UTRN: variants seen among roughly 807,000 people sequenced by gnomAD.
UTRN encodes the protein utrophin.
A neutral mutation model predicts 463.9 loss-of-function variants in UTRN; 283 were observed. The ratio of observed to expected loss-of-function variants is 0.61; its 90% CI spans 0.55 to 0.67. The LOEUF (loss-of-function observed/expected upper bound fraction) is 0.67, where lower values mean the gene tolerates loss of function less well. UTRN is among the 30% of genes least tolerant of loss of function. The pLI is 0.00. For synonymous variants in UTRN, 1,442 were observed against 1,431.5 expected, an observed-to-expected ratio of 1.01 and a Z score of -0.17; for missense variants, 3,922 against 4,084.3, an observed-to-expected ratio of 0.96 and a Z score of 1.08.
chr6:144,466,003 T>C (rs1789921763), intron 23 of UTRN, among the ~76,000 whole-genome samples: 1 of 152,182 alleles, frequency 6.6e-6, no homozygotes, highest in Non-Finnish European at 1.5e-5. Context: ...ACATTTAGAG[T>C]TCCTTTTCTT....
At chr6:144,465,440 T>A (rs1789852893) in intron 23 of UTRN, among the ~76,000 whole-genome samples, 1 of 152,192 alleles carries the variant, frequency 6.6e-6, no homozygotes, top group Non-Finnish European at 1.5e-5. Context: ...ATTAAAAATA[T>A]CCAACATCAA....
intron 51 of UTRN, among the ~76,000 whole-genome samples, chr6:144,654,199 A>G (rs973250067): frequency 2.6e-5 from 4 of 152,204 alleles, no homozygotes; most frequent in African/African-American, 9.6e-5. Context: ...TTAGAGTGTG[A>G]TTTTGCAGAG....
intron 60 of UTRN, among the ~76,000 whole-genome samples, chr6:144,779,363 T>A (rs1166079313): frequency 1.3e-5 from 2 of 152,214 alleles, no homozygotes; most frequent in Admixed American, 6.5e-5. Flanking sequence ...CTGTGTACAG[T>A]TGACCCTTGA....
At chr6:144,296,759 C>A (rs1804749272) in intron 2 of UTRN, among the ~76,000 whole-genome samples, 1 of 152,238 alleles carries the variant, frequency 6.6e-6, no homozygotes, top group Non-Finnish European at 1.5e-5. Flanking sequence ...TGTATTTATA[C>A]AGCTCTTCTA....
In UTRN at chr6:144,318,899, C is replaced by T. The variant is rs189961338; in HGVS notation, c.79+26992C>T. ...CAGCCTTAGCAACATGGTGAAACTC[C>T]TCTCTACAAAAAATACAAAAATTAG... On this transcript the variant is annotated intron_variant, in intron 2 of 74. Transcript: ENST00000367545. 1.8e-4 allele frequency among the ~76,000 whole-genome samples: 28 copies of T among 152,202 alleles called. No individual in the cohort carries two copies. The East Asian group carries it at 5.2e-3, about 29-fold the overall frequency.
intron 53 of UTRN, among the ~76,000 whole-genome samples, chr6:144,723,432 G>A (rs1344256840): frequency 8.5e-5 from 13 of 152,126 alleles, no homozygotes; most frequent in African/African-American, 2.9e-4. Context: ...TTATGCTCAA[G>A]CATTTATTGA....
At position 144,554,889 on chromosome 6, in the gene UTRN, A is replaced by C. The variant is rs1199260628; in HGVS notation, c.7130A>C (p.Asn2377Thr). The C allele has an allele frequency of 6.2e-7, 1 of 1,613,800 alleles. No individual in the cohort carries two copies. Among genetic ancestry groups the C allele is most frequent in the African/African-American group, 1.3e-5 (1 of 74,936 alleles). ...RDPLTKQISD[N>T]QILLQELGPG... is the part of the protein sequence containing the mutation. ...CCACTCACCAAACAAATTTCTGATA[A>C]CCAAGTAAGACTCATCAGATATTTT... The change falls in exon 49 of 75, where the codon AAC becomes ACC. Residue 2377 changes from asparagine (N) to threonine (T), a missense_variant. Physicochemically the swap from Asn to Thr is moderately conservative, Grantham distance 65. Coordinates refer to ENST00000367545, the MANE Select transcript of UTRN (RefSeq NM_007124.3).
intron 19 of UTRN, among the ~76,000 whole-genome samples, chr6:144,455,062 TACAC>T (rs142660252): frequency 2.6e-5 from 4 of 151,316 alleles, no homozygotes; most frequent in South Asian, 2.1e-4. Context: ...GATATGTGTA[TACAC>T]ACACACACAC....
chr6:144,821,071 T>C, intron 66 of UTRN, 53 bp downstream of exon 66: 1 of 1,573,990 alleles, frequency 6.4e-7, no homozygotes, highest in Non-Finnish European at 8.6e-7. Flanking sequence ...TCTGATGTTG[T>C]CTTTTTTATG....
intron 51 of UTRN, among the ~76,000 whole-genome samples, chr6:144,671,478 C>T (rs1204486351): frequency 6.6e-6 from 1 of 151,978 alleles, no homozygotes; most frequent in Admixed American, 6.6e-5. Flanking sequence ...GATTTGTGTA[C>T]ATTCATTTTG....
At chr6:144,594,274 T>C (rs1395673687) in intron 51 of UTRN, among the ~76,000 whole-genome samples, 1 of 152,204 alleles carries the variant, frequency 6.6e-6, no homozygotes, top group Non-Finnish European at 1.5e-5. Flanking sequence ...TAATATATTT[T>C]TTTTGTGCTG....
chr6:144,458,412 C>T (rs1049606481), intron 19 of UTRN, among the ~76,000 whole-genome samples: 4 of 151,996 alleles, frequency 2.6e-5, no homozygotes, highest in Non-Finnish European at 4.4e-5. Flanking sequence ...TGAAGTCGGG[C>T]CTAGACAGAT....
intron 51 of UTRN, among the ~76,000 whole-genome samples, chr6:144,588,609 G>A (rs942746801): frequency 6.6e-6 from 1 of 152,162 alleles, no homozygotes; most frequent in Non-Finnish European, 1.5e-5. Flanking sequence ...TTTATTTGTA[G>A]AGTATTATTT....
intron 34 of UTRN, among the ~76,000 whole-genome samples, chr6:144,507,150 G>A (rs1159984096): frequency 4.6e-5 from 7 of 151,782 alleles, no homozygotes; most frequent in Non-Finnish European, 8.8e-5. Context: ...GGTTAGTCTA[G>A]TTAGCAGTTT....
intron 51 of UTRN, among the ~76,000 whole-genome samples, chr6:144,606,152 C>T (rs1442824543): frequency 1.3e-5 from 2 of 152,098 alleles, no homozygotes; most frequent in Non-Finnish European, 2.9e-5. Flanking sequence ...TAGTTTTATT[C>T]AGTACTATTT....
intron 34 of UTRN, among the ~76,000 whole-genome samples, chr6:144,510,559 T>C (rs2128590239): frequency 6.6e-6 from 1 of 152,300 alleles, no homozygotes; most frequent in East Asian, 1.9e-4. Context: ...AAGTTGTGAG[T>C]TCTAGGATCC....
chr6:144,428,311 T>A (rs760077543), intron 7 of UTRN, among the ~76,000 whole-genome samples: 9 of 152,212 alleles, frequency 5.9e-5, no homozygotes, highest in Non-Finnish European at 8.8e-5. Flanking sequence ...CTGCTAATCT[T>A]GATCTTTTAA....
intron 30 of UTRN, 114 bp downstream of exon 30, chr6:144,488,948 T>A: frequency 9.4e-7 from 1 of 1,060,244 alleles, no homozygotes; most frequent in Non-Finnish European, 1.3e-6. Flanking sequence ...TGGGAAAGAT[T>A]GACCTTACTT....
At chr6:144,372,502 TA>T (rs1049054392) in intron 2 of UTRN, among the ~76,000 whole-genome samples, 5 of 152,118 alleles carry the variant, frequency 3.3e-5, no homozygotes, top group African/African-American at 1.2e-4. Flanking sequence ...TTTTTTATTT[TA>T]TTTTTTTTTG....
Sources: allele counts gnomAD v4.1 joint callset (sites outside exome capture counted in the v4.1 genomes callset), GRCh38; gene constraint gnomAD v4.1.1; transcripts MANE v1.5; gene names NCBI Gene and HGNC (gene_info 2026-07-23, HGNC 2026-07-21).